Variants in PTPRZ1 observed in about 807,000 individuals in gnomAD.
The protein encoded by PTPRZ1 is receptor-type tyrosine-protein phosphatase zeta.
PTPRZ1 carries 82 observed loss-of-function variants against 214.1 expected under a neutral mutation model. The observed-to-expected ratio is 0.38, with a 90% CI of 0.32 to 0.46. The LOEUF (loss-of-function observed/expected upper bound fraction) is 0.46, where lower values mean the gene tolerates loss of function less well. Among genes scored for constraint, PTPRZ1 ranks in the 20% least tolerant of loss-of-function variants. PTPRZ1 has a pLI of 1.00. For missense variants in PTPRZ1, 2,603 were observed against 2,748.7 expected (o/e 0.95, Z 1.19); for synonymous variants, 945 against 987.9 (o/e 0.96, Z 0.81).
At position 121,893,946 on chromosome 7, in the gene PTPRZ1, T is replaced by C. The variant is rs558685400; in HGVS notation, c.58+20389T>C. ...ATATGACTGAGGAAGTCTAGACTTA[T>C]AATAGGTTAAATGAGAAAGTGTTGA... On this transcript the variant is annotated intron_variant, in intron 1 of 29. Transcript: ENST00000393386. Among the ~76,000 whole-genome samples, 104 of 152,278 alleles carry C rather than the reference T, an allele frequency of 6.8e-4. 1 individual carries two copies. The highest frequency in any genetic ancestry group is 2.3e-3 in the African/African-American group (96 of 41,554).
intron 8 of PTPRZ1, among the ~76,000 whole-genome samples, chr7:121,994,572 G>T (rs1798078769): frequency 6.6e-6 from 1 of 152,098 alleles, no homozygotes; most frequent in South Asian, 2.1e-4. Context: ...TTCCCATTCT[G>T]TAAAAAGTGG....
intron 1 of PTPRZ1, among the ~76,000 whole-genome samples, chr7:121,920,716 G>A (rs544813214): frequency 3.7e-4 from 56 of 152,126 alleles, no homozygotes; most frequent in Middle Eastern, 3.2e-3. Context: ...TATACCTGAA[G>A]CTCAAGTAAA....
intron 1 of PTPRZ1, among the ~76,000 whole-genome samples, chr7:121,923,028 T>C (rs1795646048): frequency 6.6e-6 from 1 of 152,180 alleles, no homozygotes; most frequent in African/African-American, 2.4e-5. Flanking sequence ...GTTAAAAGTG[T>C]GAAGATGGAT....
At chr7:121,898,991 A>C (rs985307697) in intron 1 of PTPRZ1, among the ~76,000 whole-genome samples, 2 of 152,166 alleles carry the variant, frequency 1.3e-5, no homozygotes, top group Non-Finnish European at 2.9e-5. Context: ...TTCATATATA[A>C]AGCCTGATAT....
Position 122,061,140 on chromosome 7 carries a change from A to T in PTPRZ1, c.6868A>T (p.Asn2290Tyr), listed in dbSNP as rs745941980. ...LSLVSTRQEE[N>Y]PSTSLDSNGA... ...CCTTGTGAGCACAAGGCAGGAAGAG[A>T]ATCCATCCACCTCTCTGGACAGTAA... Residue 2290 changes from asparagine to tyrosine, a missense_variant, in exon 30 of 30, where the codon AAT (asparagine) becomes TAT (tyrosine). Physicochemically the swap from Asn to Tyr is moderately radical, Grantham distance 143. Transcript: ENST00000393386. 5 of 1,609,256 alleles carry T rather than the reference A, an allele frequency of 3.1e-6. No homozygotes were observed. In the Admixed American group the frequency reaches 8.4e-5, roughly 27 times the overall value.
chr7:122,023,659 A>G (rs1049978749), intron 13 of PTPRZ1, among the ~76,000 whole-genome samples: 3 of 131,760 alleles, frequency 2.3e-5, no homozygotes, highest in South Asian at 4.3e-4. Context: ...TATATATATT[A>G]TATGTATAAT....
At chr7:121,942,495 A>T (rs1010914120) in intron 2 of PTPRZ1, among the ~76,000 whole-genome samples, 4 of 152,216 alleles carry the variant, frequency 2.6e-5, no homozygotes, top group African/African-American at 4.8e-5. Context: ...ATAACTTTTA[A>T]ATATGATTCT....
intron 1 of PTPRZ1, among the ~76,000 whole-genome samples, chr7:121,885,844 C>A (rs1224819338): frequency 6.6e-6 from 1 of 152,124 alleles, no homozygotes; most frequent in East Asian, 1.9e-4. Context: ...ATAATTTTTA[C>A]AAACATCACA....
At chr7:121,933,180 G>A (rs558892360) in intron 2 of PTPRZ1, among the ~76,000 whole-genome samples, 2 of 147,318 alleles carry the variant, frequency 1.4e-5, no homozygotes, top group East Asian at 4.0e-4. Flanking sequence ...ATAAAGTGAA[G>A]TCATTTTATT....
At chr7:121,952,649 T>C (rs1004974001) in intron 2 of PTPRZ1, among the ~76,000 whole-genome samples, 1 of 152,198 alleles carries the variant, frequency 6.6e-6, no homozygotes, top group African/African-American at 2.4e-5. Context: ...TCAAATATAG[T>C]TGGCTTTCAT....
chr7:122,056,118 G>T (rs1792343181), intron 27 of PTPRZ1, among the ~76,000 whole-genome samples: 1 of 151,784 alleles, frequency 6.6e-6, no homozygotes, highest in Non-Finnish European at 1.5e-5. Context: ...ATTACTCCCT[G>T]ATCACTTTAG....
intron 11 of PTPRZ1, among the ~76,000 whole-genome samples, chr7:122,007,178 G>A (rs1378819667): frequency 3.3e-5 from 5 of 152,128 alleles, no homozygotes; most frequent in Non-Finnish European, 7.4e-5. Context: ...TTACTTGTTG[G>A]TAGAAGGCTA....
At chr7:121,950,832 C>T (rs896764148) in intron 2 of PTPRZ1, among the ~76,000 whole-genome samples, 1 of 152,072 alleles carries the variant, frequency 6.6e-6, no homozygotes, top group Non-Finnish European at 1.5e-5. Flanking sequence ...ACTAATACAA[C>T]AAGTAGCAGA....
intron 1 of PTPRZ1, among the ~76,000 whole-genome samples, chr7:121,925,176 C>T (rs1291086129): frequency 6.6e-6 from 1 of 152,176 alleles, no homozygotes; most frequent in African/African-American, 2.4e-5. Context: ...CTTCTTATCT[C>T]TAAAATAAGA....
In PTPRZ1 at chr7:121,968,106, T is replaced by C; in HGVS notation, c.280T>C (p.Phe94Leu). ...GGATAAAACATCATTGGAAAACACA[T>C]TCATTCATAACACTGGGAAAACAGG... is the stretch of plus-strand genomic sequence containing the variant. Reference protein sequence around the residue: ...GWDKTSLENTFIHNTGKTVEI... With the variant: ...GWDKTSLENTLIHNTGKTVEI... Residue 94 changes from phenylalanine (F) to leucine (L), a missense_variant, in exon 3 of 30, where the codon TTC becomes CTC. Physicochemically the swap from Phe to Leu is conservative, Grantham distance 22. Transcript: ENST00000393386. 1 of 1,603,804 alleles carries C rather than the reference T, an allele frequency of 6.2e-7. No individual in the cohort carries two copies. The highest frequency in any genetic ancestry group is 1.1e-5 in the South Asian group (1 of 87,902).
At chr7:121,911,132 AC>A (rs1294303757) in intron 1 of PTPRZ1, among the ~76,000 whole-genome samples, 1 of 152,078 alleles carries the variant, frequency 6.6e-6, no homozygotes, top group Non-Finnish European at 1.5e-5. Context: ...AAAAGCTCAT[AC>A]CTAAGAGTAA....
chr7:121,957,974 A>G (rs1416555134), intron 2 of PTPRZ1, among the ~76,000 whole-genome samples: 2 of 151,948 alleles, frequency 1.3e-5, no homozygotes, highest in Non-Finnish European at 2.9e-5. Flanking sequence ...GGGATATTTG[A>G]TCATCAACTT....
chr7:121,916,488 T>C (rs1795432179), intron 1 of PTPRZ1, among the ~76,000 whole-genome samples: 1 of 152,184 alleles, frequency 6.6e-6, no homozygotes. Context: ...AACATGTTTG[T>C]TCCAAATGAG....
chr7:121,945,716 T>C (rs1796350435), intron 2 of PTPRZ1, among the ~76,000 whole-genome samples: 1 of 152,280 alleles, frequency 6.6e-6, no homozygotes, highest in Admixed American at 6.5e-5. Flanking sequence ...TACCTCTTCT[T>C]ATACACACCC....
Sources: gnomAD v4.1 joint callset for allele counts (sites outside exome capture counted in the v4.1 genomes callset) on GRCh38, gnomAD v4.1.1 for gene constraint, MANE v1.5 for transcripts, NCBI Gene and HGNC (gene_info 2026-07-23, HGNC 2026-07-21) for gene names.